The following GOPC variants were observed in gnomAD, a reference collection of about 807,000 sequenced individuals.
The protein encoded by GOPC is Golgi-associated PDZ and coiled-coil motif-containing protein.
A neutral mutation model predicts 51.2 loss-of-function variants in GOPC; 32 were observed. That is an observed-to-expected ratio of 0.63 (90% CI 0.47 to 0.84). The LOEUF is 0.84. GOPC is among the 40% of genes least tolerant of loss of function. GOPC has a pLI of 0.00. For missense variants in GOPC, 441 were observed against 555.5 expected, an observed-to-expected ratio of 0.79 and a Z score of 2.07; for synonymous variants, 190 against 205.1, an observed-to-expected ratio of 0.93 and a Z score of 0.63.
intron 4 of GOPC, 91 bp downstream of exon 4, chr6:117,575,079 AAAAAAAT>A (rs1476083498): frequency 6.9e-6 from 7 of 1,008,912 alleles, no homozygotes; most frequent in East Asian, 2.6e-5. Context: ...ACTCCATCTC[AAAAAAAT>A]AAAAAATAAA....
rs115242892 is a variant in GOPC at position 117,566,971 on chromosome 6, C to T, written c.1141G>A (p.Val381Ile). Residue 381 changes from valine (V) to isoleucine (I), a missense_variant, in exon 8 of 9, where the codon GTA becomes ATA. Physicochemically the swap from Val to Ile is conservative, Grantham distance 29. Around this residue, in one of 3 missense-constraint regions of GOPC, gnomAD observed 166 missense variants for 267.0 expected, o/e 0.62. Transcript: ENST00000368498. ...TGTCCACTCTCATCTTCATACTCTA[C>T]GTTTTCATCATCAGAATCCACTTCA... ...APEVDSDDEN[V>I]EYEDESGHRY... 6.9e-5 allele frequency: 111 copies of T among 1,609,872 alleles called. No individual in the cohort carries two copies. The highest frequency in any genetic ancestry group is 3.4e-4 in the East Asian group (15 of 44,650).
At chr6:117,589,353 CTT>C (rs1296082064) in intron 1 of GOPC, among the ~76,000 whole-genome samples, 1 of 152,212 alleles carries the variant, frequency 6.6e-6, no homozygotes, top group Non-Finnish European at 1.5e-5. Context: ...GAGTTTCACT[CTT>C]GTTGCCCAGG....
rs1426416697 is a variant in GOPC at position 117,562,093 on chromosome 6, A to C, written c.*1161T>G. 9.7e-6 allele frequency: 2 copies of C among 205,992 alleles called. No individual in the cohort carries two copies. Among genetic ancestry groups the C allele is most frequent in the Non-Finnish European group, 9.9e-6 (1 of 100,850 alleles). 12.8% of individuals were successfully genotyped at this position (205,992 alleles called of 1,614,324 possible). On this transcript the variant is annotated 3_prime_UTR_variant, in exon 9 of 9. Coordinates refer to ENST00000368498, the MANE Select transcript of GOPC (RefSeq NM_020399.4). ...TGACTTTGCCTAGCAGGTTACAATG[A>C]CCTGCAGAATATTAAATCAGAGAGG...
At chr6:117,597,173 T>A (rs774768935) in intron 1 of GOPC, among the ~76,000 whole-genome samples, 1 of 152,236 alleles carries the variant, frequency 6.6e-6, no homozygotes, top group African/African-American at 2.4e-5. Flanking sequence ...GATTCTTGAT[T>A]TGATTCTCAG....
chr6:117,567,603 CACAG>C (rs1032826673), intron 7 of GOPC, among the ~76,000 whole-genome samples: 3 of 152,024 alleles, frequency 2.0e-5, no homozygotes, highest in African/African-American at 7.2e-5. Context: ...GAGTACCAGA[CACAG>C]ACATAGTGTT....
chr6:117,588,631 T>C (rs1371676690), intron 1 of GOPC, among the ~76,000 whole-genome samples: 1 of 152,120 alleles, frequency 6.6e-6, no homozygotes, highest in African/African-American at 2.4e-5. Context: ...CTAAAACATT[T>C]TTTGGTTTTA....
chr6:117,597,142 G>T (rs1780209136), intron 1 of GOPC, among the ~76,000 whole-genome samples: 2 of 151,896 alleles, frequency 1.3e-5, no homozygotes, highest in African/African-American at 2.4e-5. Flanking sequence ...TAATTTTTTT[G>T]CAAGTCTTAT....
chr6:117,560,718 A>G lies in GOPC; in HGVS notation c.*2536T>C, dbSNP rs750072570. On this transcript the variant is annotated 3_prime_UTR_variant, in exon 9 of 9. Transcript: ENST00000368498. ...ATATTCATAACAGAGATACTGTAGA[A>G]GAGAATTTTAGAGGTTAAGTGTAAA... The G allele has an allele frequency of 5.0e-6, 1 of 201,150 alleles. No individual in the cohort carries two copies. Among genetic ancestry groups the G allele is most frequent in the Non-Finnish European group, 1.0e-5 (1 of 97,604 alleles). The allele number at this position is 201,150 out of a possible 1,614,324, so 12.5% of individuals were successfully genotyped here. A position where few individuals can be genotyped will look rare whatever the true frequency, so the allele number is the denominator to read the frequency against.
intron 8 of GOPC, among the ~76,000 whole-genome samples, chr6:117,564,905 T>C (rs1281486573): frequency 6.6e-6 from 1 of 152,168 alleles, no homozygotes; most frequent in African/African-American, 2.4e-5. Flanking sequence ...CACACAAGTT[T>C]ATCAAAAGTG....
intron 3 of GOPC, among the ~76,000 whole-genome samples, chr6:117,576,087 C>T (rs770359300): frequency 6.6e-6 from 1 of 152,028 alleles, no homozygotes; most frequent in Non-Finnish European, 1.5e-5. Context: ...CTTTGGTCTA[C>T]TGTTTTGAAC....
chr6:117,585,565 T>C (rs1274172584), intron 1 of GOPC, among the ~76,000 whole-genome samples: 1 of 152,214 alleles, frequency 6.6e-6, no homozygotes, highest in Middle Eastern at 3.2e-3. Context: ...TTATGTGAGA[T>C]GCCCCAAATT....
At chr6:117,592,114 C>T (rs1780127169) in intron 1 of GOPC, among the ~76,000 whole-genome samples, 2 of 152,348 alleles carry the variant, frequency 1.3e-5, no homozygotes, top group Admixed American at 6.5e-5. Context: ...CGCCTGTAAT[C>T]CCAGCACTTT....
At chr6:117,573,217 T>A (rs1779832512) in intron 5 of GOPC, among the ~76,000 whole-genome samples, 1 of 152,206 alleles carries the variant, frequency 6.6e-6, no homozygotes, top group Non-Finnish European at 1.5e-5. Context: ...TGATCCAACA[T>A]TATAGCAATA....
chr6:117,569,915 A>T, intron 6 of GOPC, 179 bp from the exon 7 acceptor site: 1 of 656,064 alleles, frequency 1.5e-6, no homozygotes, highest in South Asian at 3.9e-5. Context: ...CAGAGTATTG[A>T]ACAGAAATTG....
chr6:117,573,324 T>C, intron 5 of GOPC, 143 bp downstream of exon 5: 2 of 931,646 alleles, frequency 2.1e-6, no homozygotes, highest in Non-Finnish European at 3.1e-6. Context: ...TGAAACTTCA[T>C]CTACTTTGAA....
At chr6:117,586,502 A>G (rs568434401) in intron 1 of GOPC, among the ~76,000 whole-genome samples, 100 of 103,674 alleles carry the variant, frequency 9.6e-4, no homozygotes, top group Admixed American at 1.7e-3. Flanking sequence ...TTTTTTTGAG[A>G]TGGAGTCTCG....
chr6:117,597,491 C>T (rs1436203195), intron 1 of GOPC, among the ~76,000 whole-genome samples: 3 of 152,126 alleles, frequency 2.0e-5, no homozygotes, highest in Non-Finnish European at 2.9e-5. Flanking sequence ...TCCACAGTGC[C>T]ACTACTATTC....
chr6:117,571,942 T>C (rs1215494989), intron 5 of GOPC, among the ~76,000 whole-genome samples: 1 of 152,134 alleles, frequency 6.6e-6, no homozygotes. Flanking sequence ...TCCCACTCCA[T>C]AAGTTTCTAT....
intron 1 of GOPC, among the ~76,000 whole-genome samples, chr6:117,580,870 G>GA (rs1779946885): frequency 6.6e-6 from 1 of 152,084 alleles, no homozygotes; most frequent in Admixed American, 6.5e-5. Context: ...TTACAATGCT[G>GA]AAAAGAAATC....
Sources: gnomAD v4.1 joint callset for allele counts (sites outside exome capture counted in the v4.1 genomes callset) on GRCh38, gnomAD v4.1.1 for gene constraint, gnomAD v4.1.1 regional missense constraint, MANE v1.5 for transcripts, NCBI Gene and HGNC (gene_info 2026-07-23, HGNC 2026-07-21) for gene names.